The following GLIS1 variants were observed in gnomAD, a reference collection of about 807,000 sequenced individuals.
The protein encoded by GLIS1 is zinc finger protein GLIS1.
Under a neutral mutation model 63.8 loss-of-function variants are expected in GLIS1, and 24 were observed. The observed-to-expected ratio is 0.38, with a 90% confidence interval of 0.27 to 0.53. The LOEUF (loss-of-function observed/expected upper bound fraction) is 0.53, where lower values mean the gene tolerates loss of function less well. Among genes scored for constraint, GLIS1 ranks in the 20% least tolerant of loss-of-function variants. The probability of loss-of-function intolerance (pLI) is 0.85; values close to 1 mark genes in which losing one functional copy is unlikely to be tolerated. For missense variants in GLIS1, 1,036 were observed against 1,074.1 expected, an observed-to-expected ratio of 0.96 and a Z score of 0.50; for synonymous variants, 450 against 482.5, an observed-to-expected ratio of 0.93 and a Z score of 0.88.
At chr1:53,524,949 G>A (rs964548622) in intron 5 of GLIS1, 62 bp from the exon 6 acceptor site, 36 of 1,246,730 alleles carry the variant, frequency 2.9e-5, no homozygotes, top group Middle Eastern at 1.9e-4. Flanking sequence ...ACGCGCCTCC[G>A]CGTGACCTGC....
intron 4 of GLIS1, among the ~76,000 whole-genome samples, chr1:53,545,144 T>TA (rs1170999722): frequency 2.6e-5 from 4 of 152,182 alleles, no homozygotes; most frequent in Non-Finnish European, 5.9e-5. Context: ...AACCACCTAA[T>TA]ACCCTAATTT....
chr1:53,731,883 C>G (rs1646864799), intron 2 of GLIS1, among the ~76,000 whole-genome samples: 1 of 152,184 alleles, frequency 6.6e-6, no homozygotes, highest in Non-Finnish European at 1.5e-5. Flanking sequence ...ACCTTCCCAG[C>G]CCAGTCAGTG....
At chr1:53,554,398 T>A (rs989324546) in intron 4 of GLIS1, among the ~76,000 whole-genome samples, 20 of 151,846 alleles carry the variant, frequency 1.3e-4, no homozygotes, top group African/African-American at 4.6e-4. Context: ...GGGTGATGTG[T>A]GGTAACTGAG....
Position 53,522,986 on chromosome 1 carries a change from C to CTTTTTCTTTTTTTTT in GLIS1, c.1593+1790_1593+1791insAAAAAAAAAGAAAAA, listed in dbSNP as rs760283252. On this transcript the variant is annotated intron_variant, in intron 6 of 10. Coordinates refer to ENST00000628545, the MANE Select transcript of GLIS1 (RefSeq NM_001367484.1). ...AGTTTCTTTTTCTTTTCTTTTCTTT[C>CTTTTTCTTTTTTTTT]TTTTTTTTTTTTTTTTTTTGAGACA... Among the ~76,000 whole-genome samples, 81 of 43,688 alleles carry CTTTTTCTTTTTTTTT rather than the reference C, an allele frequency of 1.9e-3. 1 individual carries two copies. The highest frequency in any genetic ancestry group is 3.6e-3 in the African/African-American group (81 of 22,674). The allele number at this position is 43,688 out of a possible 152,430, so 28.7% of individuals were successfully genotyped here.
intron 2 of GLIS1, among the ~76,000 whole-genome samples, chr1:53,635,925 A>G (rs944871952): frequency 6.6e-5 from 10 of 152,238 alleles, no homozygotes; most frequent in Non-Finnish European, 2.9e-5. Context: ...AGTCCAATAG[A>G]TATTAACATA....
intron 2 of GLIS1, among the ~76,000 whole-genome samples, chr1:53,705,868 G>C (rs116532547): frequency 6.6e-6 from 1 of 152,174 alleles, no homozygotes; most frequent in Non-Finnish European, 1.5e-5. Flanking sequence ...AATGCTCCCG[G>C]GAAGTCCGAG....
chr1:53,723,795 G>C (rs189006263), intron 2 of GLIS1, among the ~76,000 whole-genome samples: 4 of 152,232 alleles, frequency 2.6e-5, no homozygotes, highest in African/African-American at 9.6e-5. Context: ...ACCTTTAAAG[G>C]GTCAGCCACT....
At position 53,718,873 on chromosome 1, in the gene GLIS1, A is replaced by G. The variant is rs113488811; in HGVS notation, c.259+18933T>C. 7.5e-3 allele frequency among the ~76,000 whole-genome samples: 1,137 copies of G among 152,238 alleles called. 20 individuals carry two copies. Among genetic ancestry groups the G allele is most frequent in the African/African-American group, 0.025 (1,028 of 41,506 alleles). ...CAAGTCTGACTTTTCTGTATAATCA[A>G]ACTTCTCCCCTCCCCTCAGGCCTGC... is the stretch of plus-strand genomic sequence containing the variant. On this transcript the variant is annotated intron_variant, in intron 2 of 10. Coordinates refer to ENST00000628545, the MANE Select transcript of GLIS1 (RefSeq NM_001367484.1).
At position 53,680,992 on chromosome 1, in the gene GLIS1, C is replaced by T. The variant is rs1427138375; in HGVS notation, c.259+56814G>A. On this transcript the variant is annotated intron_variant, in intron 2 of 10. Transcript: ENST00000628545. ...CCTGAGCAGACGCTGGCCAGATGAT[C>T]TCAACCCTGGACACAGCTGGGTCAA... Among the ~76,000 whole-genome samples the T allele has an allele frequency of 3.3e-5, 5 of 152,240 alleles. No individual in the cohort carries two copies. In the East Asian group the frequency reaches 9.6e-4, roughly 29 times the overall value.
intron 4 of GLIS1, among the ~76,000 whole-genome samples, chr1:53,557,138 C>A (rs1398902108): frequency 6.6e-6 from 1 of 152,038 alleles, no homozygotes; most frequent in African/African-American, 2.4e-5. Flanking sequence ...AGGCCAGCAT[C>A]CCCAGACCCT....
intron 2 of GLIS1, among the ~76,000 whole-genome samples, chr1:53,668,260 G>A (rs974968797): frequency 6.6e-6 from 1 of 152,156 alleles, no homozygotes; most frequent in Non-Finnish European, 1.5e-5. Context: ...ACATACACTC[G>A]TGCTCCACAT....
chr1:53,591,073 C>T (rs1645189178), intron 4 of GLIS1, among the ~76,000 whole-genome samples: 1 of 152,220 alleles, frequency 6.6e-6, no homozygotes, highest in Non-Finnish European at 1.5e-5. Flanking sequence ...TTTAGTGGGC[C>T]ATTTACTCTT....
chr1:53,538,062 T>A (rs1644599891), intron 4 of GLIS1, among the ~76,000 whole-genome samples: 1 of 152,242 alleles, frequency 6.6e-6, no homozygotes, highest in Non-Finnish European at 1.5e-5. Flanking sequence ...GCTCCTGCAC[T>A]CTGGGAGGGG....
intron 2 of GLIS1, among the ~76,000 whole-genome samples, chr1:53,657,619 G>C (rs1645981464): frequency 6.6e-6 from 1 of 152,148 alleles, no homozygotes; most frequent in African/African-American, 2.4e-5. Flanking sequence ...GCTATGTGGA[G>C]GGGGAGAGGA....
intron 2 of GLIS1, among the ~76,000 whole-genome samples, chr1:53,698,442 TCAC>T: frequency 6.6e-6 from 1 of 152,210 alleles, no homozygotes. Flanking sequence ...CATGGTTCTC[TCAC>T]TTAGGGTCCA....
chr1:53,723,617 A>C (rs1183900986), intron 2 of GLIS1, among the ~76,000 whole-genome samples: 1 of 152,198 alleles, frequency 6.6e-6, no homozygotes, highest in Non-Finnish European at 1.5e-5. Context: ...CATAGAAAGA[A>C]GACTGAAAAG....
intron 4 of GLIS1, among the ~76,000 whole-genome samples, chr1:53,593,404 G>A (rs1168355411): frequency 1.7e-4 from 26 of 152,270 alleles, no homozygotes; most frequent in Admixed American, 1.6e-3. Context: ...AGGGCTGGAG[G>A]CCTGAGTACT....
At chr1:53,709,420 A>ATATATATACG (rs1190855351) in intron 2 of GLIS1, among the ~76,000 whole-genome samples, 7 of 135,448 alleles carry the variant, frequency 5.2e-5, no homozygotes, top group Non-Finnish European at 9.7e-5. Context: ...ATACACACAC[A>ATATATATACG]CACACACACA....
intron 2 of GLIS1, among the ~76,000 whole-genome samples, chr1:53,697,794 C>G (rs1646481561): frequency 6.6e-6 from 1 of 152,134 alleles, no homozygotes; most frequent in African/African-American, 2.4e-5. Flanking sequence ...TACACTTTTA[C>G]TGATTATTTT....
Sources: gnomAD v4.1 joint callset for allele counts (sites outside exome capture counted in the v4.1 genomes callset) on GRCh38, gnomAD v4.1.1 for gene constraint, MANE v1.5 for transcripts, NCBI Gene and HGNC (gene_info 2026-07-23, HGNC 2026-07-21) for gene names.